Variants in NRG1 observed in about 807,000 individuals in gnomAD.
NRG1 encodes neuregulin 1, also known as pro-neuregulin-1, membrane-bound isoform.
Under a neutral mutation model 63.8 loss-of-function variants are expected in NRG1, and 18 were observed. The observed-to-expected ratio is 0.28, with a 90% CI of 0.19 to 0.42. NRG1 has a LOEUF of 0.42. NRG1 is among the 10% of genes least tolerant of loss of function. NRG1 has a pLI of 1.00. For synonymous variants in NRG1, 302 were observed against 301.3 expected (o/e 1.00, Z -0.02); for missense variants, 762 against 814.7 (o/e 0.94, Z 0.79).
intron 1 of NRG1, among the ~76,000 whole-genome samples, chr8:31,808,379 G>A (rs1416828324): frequency 6.6e-6 from 1 of 151,966 alleles, no homozygotes; most frequent in African/African-American, 2.4e-5. Context: ...GAATTTTAGA[G>A]TGAGTAACTT....
At chr8:32,751,678 A>C (rs1828766060) in intron 7 of NRG1, among the ~76,000 whole-genome samples, 1 of 152,164 alleles carries the variant, frequency 6.6e-6, no homozygotes, top group Admixed American at 6.5e-5. Flanking sequence ...TCTGTATTCT[A>C]TGGGCCTTCG....
intron 1 of NRG1, among the ~76,000 whole-genome samples, chr8:32,407,650 G>A (rs144469594): frequency 1.0e-3 from 159 of 151,994 alleles, no homozygotes; most frequent in African/African-American, 3.5e-3. Context: ...CTCTCTCTCT[G>A]TATCCCTTTC....
intron 1 of NRG1, among the ~76,000 whole-genome samples, chr8:32,507,565 C>A (rs1023589544): frequency 6.6e-6 from 1 of 152,052 alleles, no homozygotes; most frequent in Admixed American, 6.5e-5. Flanking sequence ...TGGCAAAAAA[C>A]AAAACAACAA....
At chr8:32,382,838 A>T (rs2129483438) in intron 1 of NRG1, among the ~76,000 whole-genome samples, 1 of 152,282 alleles carries the variant, frequency 6.6e-6, no homozygotes, top group Middle Eastern at 3.4e-3. Flanking sequence ...GAAATTGAGC[A>T]GAGGTCAAAT....
intron 1 of NRG1, among the ~76,000 whole-genome samples, chr8:32,273,705 T>C (rs763043310): frequency 1.3e-5 from 2 of 152,200 alleles, no homozygotes; most frequent in Non-Finnish European, 2.9e-5. Context: ...ACACTTCCTC[T>C]AAATTGGGAA....
At chr8:32,338,476 C>A (rs1385285549) in intron 1 of NRG1, among the ~76,000 whole-genome samples, 1 of 152,068 alleles carries the variant, frequency 6.6e-6, no homozygotes, top group Admixed American at 6.6e-5. Flanking sequence ...GGCATTCATG[C>A]TCATTGTGAA....
At chr8:32,718,751 C>T (rs1262678793) in intron 5 of NRG1, among the ~76,000 whole-genome samples, 1 of 152,098 alleles carries the variant, frequency 6.6e-6, no homozygotes, top group African/African-American at 2.4e-5. Context: ...GCCATCTTCT[C>T]CCACAACCAT....
chr8:32,054,006 A>T (rs763999946), intron 1 of NRG1, among the ~76,000 whole-genome samples: 1 of 152,224 alleles, frequency 6.6e-6, no homozygotes, highest in African/African-American at 2.4e-5. Flanking sequence ...AAATATAGAC[A>T]GTTAAAATGT....
chr8:31,734,920 T>C (rs996500234), intron 1 of NRG1, among the ~76,000 whole-genome samples: 9 of 152,138 alleles, frequency 5.9e-5, no homozygotes, highest in African/African-American at 2.2e-4. Flanking sequence ...ATTATGACTC[T>C]AAGGGTCCCA....
chr8:32,319,596 T>C lies in NRG1; in HGVS notation c.38-276232T>C, dbSNP rs1298275531. Among the ~76,000 whole-genome samples, 7 of 152,288 alleles carry C rather than the reference T, an allele frequency of 4.6e-5. No homozygotes were observed. In the East Asian group the frequency reaches 1.4e-3, roughly 29 times the overall value. ...GGGAAAATTGTTGGAGAATATGATC[T>C]CGTTCCCTATGCTGTCACTCCAGGT... On this transcript the variant is annotated intron_variant, in intron 1 of 10. Transcript: ENST00000519301.
intron 1 of NRG1, among the ~76,000 whole-genome samples, chr8:32,021,333 A>C (rs1816408365): frequency 6.6e-6 from 1 of 152,218 alleles, no homozygotes; most frequent in Non-Finnish European, 1.5e-5. Context: ...AGAGAAGGTC[A>C]AAGAGGATGC....
chr8:32,386,889 G>A (rs1748984473), intron 1 of NRG1, among the ~76,000 whole-genome samples: 1 of 152,094 alleles, frequency 6.6e-6, no homozygotes. Context: ...CTATGTGTAG[G>A]GATGCAGAGC....
chr8:32,626,916 G>A (rs1335214385), intron 5 of NRG1, among the ~76,000 whole-genome samples: 1 of 152,022 alleles, frequency 6.6e-6, no homozygotes, highest in African/African-American at 2.4e-5. Context: ...AGCCACTTGG[G>A]AGGCTGAGGC....
chr8:32,704,945 G>A (rs138002766), intron 5 of NRG1, among the ~76,000 whole-genome samples: 11 of 152,216 alleles, frequency 7.2e-5, no homozygotes, highest in Admixed American at 4.6e-4. Flanking sequence ...GATCATTGAC[G>A]TGCTTTTTAT....
chr8:31,929,819 A>G (rs974581438), intron 1 of NRG1, among the ~76,000 whole-genome samples: 2 of 152,216 alleles, frequency 1.3e-5, no homozygotes, highest in Non-Finnish European at 2.9e-5. Flanking sequence ...TCATTCCTTC[A>G]GTACTCCTAC....
chr8:32,740,301 T>A (rs976447743), intron 6 of NRG1, among the ~76,000 whole-genome samples: 1 of 149,918 alleles, frequency 6.7e-6, no homozygotes, highest in African/African-American at 2.5e-5. Flanking sequence ...GTTCAAGTGA[T>A]TCTCCTGCCT....
At chr8:31,793,623 A>C (rs1820920555) in intron 1 of NRG1, among the ~76,000 whole-genome samples, 1 of 152,228 alleles carries the variant, frequency 6.6e-6, no homozygotes, top group Non-Finnish European at 1.5e-5. Context: ...AGCAATCTAA[A>C]TGAATTCTTC....
intron 1 of NRG1, among the ~76,000 whole-genome samples, chr8:32,002,198 AT>A (rs1011132349): frequency 6.6e-6 from 1 of 151,796 alleles, no homozygotes; most frequent in African/African-American, 2.4e-5. Flanking sequence ...AAATTTTTGT[AT>A]TTTTAGTAGA....
intron 1 of NRG1, among the ~76,000 whole-genome samples, chr8:31,852,353 T>C (rs1261456573): frequency 2.0e-5 from 3 of 151,452 alleles, no homozygotes; most frequent in Non-Finnish European, 4.4e-5. Flanking sequence ...ATTTCTCTGA[T>C]GGCCAGTGAT....
Sources: gnomAD v4.1 joint callset for allele counts (sites outside exome capture counted in the v4.1 genomes callset) on GRCh38, gnomAD v4.1.1 for gene constraint, MANE v1.5 for transcripts, NCBI Gene and HGNC (gene_info 2026-07-23, HGNC 2026-07-21) for gene names.